Variants in HM13 observed in about 807,000 individuals in gnomAD.
HM13 encodes the protein histocompatibility minor 13, also known as signal peptide peptidase.
A neutral mutation model predicts 50.0 loss-of-function variants in HM13; 18 were observed. The observed-to-expected ratio is 0.36, with a 90% CI of 0.25 to 0.53. The LOEUF (loss-of-function observed/expected upper bound fraction) is 0.53. HM13 is among the 20% of genes least tolerant of loss of function. The pLI is 0.90. For synonymous variants in HM13, 197 were observed against 232.6 expected (o/e 0.85, Z 1.39); for missense variants, 393 against 552.4 (o/e 0.71, Z 2.89).
intron 1 of HM13, among the ~76,000 whole-genome samples, chr20:31,525,306 C>G (rs1437426461): frequency 1.3e-5 from 2 of 152,158 alleles, no homozygotes; most frequent in African/African-American, 4.8e-5. Context: ...TTGCAACCTT[C>G]CACCTGGGAC....
chr20:31,550,117 A>G lies in HM13; in HGVS notation c.720A>G (p.Ile240Met). Reference protein sequence around the residue: ...VTVAKSFEAPIKLVFPQDLLE... With the variant: ...VTVAKSFEAPMKLVFPQDLLE... The stretch of plus-strand genomic sequence containing the variant: ...TGGCCAAGTCCTTCGAGGCACCAAT[A>G]AAATGTAAGTGACCACCCTGCCACA... Residue 240 changes from isoleucine (I) to methionine (M), a missense_variant, in exon 7 of 13, where the codon ATA becomes ATG. Physicochemically the swap from Ile to Met is conservative, Grantham distance 10. Transcript: ENST00000398174. The G allele has an allele frequency of 6.2e-7, 1 of 1,613,490 alleles. No homozygotes were observed. Among genetic ancestry groups the G allele is most frequent in the African/African-American group, 1.3e-5 (1 of 74,980 alleles).
chr20:31,561,452 C>G (rs1984605297), intron 9 of HM13, among the ~76,000 whole-genome samples, 182 bp from the exon 10 acceptor site: 1 of 152,210 alleles, frequency 6.6e-6, no homozygotes, highest in East Asian at 1.9e-4. Flanking sequence ...AGGAAAGCAA[C>G]TTGTCCAGAG....
chr20:31,519,418 A>C (rs1300282304), intron 1 of HM13, among the ~76,000 whole-genome samples: 1 of 152,050 alleles, frequency 6.6e-6, no homozygotes, highest in Non-Finnish European at 1.5e-5. Flanking sequence ...TCTTCCTTGC[A>C]CCTTGCTTTT....
intron 3 of HM13, chr20:31,539,965 A>G (rs1022319730): frequency 6.6e-6 from 1 of 152,180 alleles, no homozygotes; most frequent in Non-Finnish European, 1.5e-5. Context: ...TAGTTCTTCT[A>G]CCTATAAAAT....
chr20:31,539,466 T>C, intron 3 of HM13: 2 of 985,402 alleles, frequency 2.0e-6, no homozygotes, highest in Non-Finnish European at 2.4e-6. Context: ...TTTGTGCACA[T>C]TGAGGGCATG....
At chr20:31,546,142 T>G (rs1182387053) in intron 4 of HM13, among the ~76,000 whole-genome samples, 1 of 145,322 alleles carries the variant, frequency 6.9e-6, no homozygotes, top group Non-Finnish European at 1.5e-5. Flanking sequence ...CTCCACCCCC[T>G]GGGTTCACGC....
chr20:31,561,599 A>T (rs1199900501), intron 9 of HM13, 35 bp from the exon 10 acceptor site: 1 of 1,416,422 alleles, frequency 7.1e-7, no homozygotes, highest in East Asian at 2.3e-5. Flanking sequence ...CCCTATATCT[A>T]ACCCTCCTCC....
At chr20:31,521,627 G>A (rs943113307) in intron 1 of HM13, among the ~76,000 whole-genome samples, 1 of 151,470 alleles carries the variant, frequency 6.6e-6, no homozygotes, top group African/African-American at 2.4e-5. Flanking sequence ...TACTCGGGAG[G>A]CTGAGACATG....
intron 2 of HM13, 21 bp from the exon 3 acceptor site, chr20:31,538,158 C>T: frequency 1.2e-6 from 2 of 1,612,920 alleles, no homozygotes; most frequent in Non-Finnish European, 1.7e-6. Context: ...CTTCCTGTTT[C>T]TCTTTGTATT....
At chr20:31,557,782 A>G (rs1984398512) in intron 8 of HM13, among the ~76,000 whole-genome samples, 1 of 134,722 alleles carries the variant, frequency 7.4e-6, no homozygotes, top group Non-Finnish European at 1.5e-5. Context: ...ATCTAAGCTC[A>G]CTGCAACCTC....
intron 1 of HM13, among the ~76,000 whole-genome samples, chr20:31,526,381 A>C (rs1982494027): frequency 6.6e-6 from 1 of 151,510 alleles, no homozygotes; most frequent in African/African-American, 2.4e-5. Context: ...CTGGTCTCAA[A>C]CTCCTGACCT....
intron 1 of HM13, among the ~76,000 whole-genome samples, chr20:31,524,227 G>A (rs1413129143): frequency 6.6e-6 from 1 of 152,000 alleles, no homozygotes; most frequent in Admixed American, 6.6e-5. Flanking sequence ...GCAACAGAGA[G>A]AGACCCTGTC....
intron 1 of HM13, among the ~76,000 whole-genome samples, chr20:31,523,144 G>A (rs1333632587): frequency 5.3e-5 from 8 of 150,176 alleles, no homozygotes; most frequent in African/African-American, 9.9e-5. Flanking sequence ...TCCACCTCCC[G>A]GGTTCAAGCA....
In HM13 at chr20:31,568,156, C is replaced by G. The variant is rs1209873815; in HGVS notation, c.1113C>G (p.Ser371Arg). Residue 371 changes from serine (S) to arginine (R), a missense_variant, in exon 12 of 13, where the codon AGC (serine) becomes AGG (arginine). Around this residue, in one of 3 missense-constraint regions of HM13, gnomAD observed 105 missense variants for 115.9 expected, o/e 0.91. Coordinates refer to ENST00000398174, the MANE Select transcript of HM13 (RefSeq NM_178581.3). ...CCACAGTCTCGGGCTCCCCAGCCAGCCTGGCCGACTCCATGCAGCAGAAGC... is the reference window on the plus strand; with the variant it reads ...CCACAGTCTCGGGCTCCCCAGCCAGGCTGGCCGACTCCATGCAGCAGAAGC... ...HFPTVSGSPA[S>R]LADSMQQKLA... is the part of the protein sequence containing the mutation. The G allele has an allele frequency of 6.2e-7, 1 of 1,613,118 alleles. No individual in the cohort carries two copies. The highest frequency in any genetic ancestry group is 8.5e-7 in the Non-Finnish European group (1 of 1,179,950).
chr20:31,536,086 G>C (rs966233171), intron 2 of HM13, among the ~76,000 whole-genome samples: 1 of 152,084 alleles, frequency 6.6e-6, no homozygotes, highest in Non-Finnish European at 1.5e-5. Flanking sequence ...CTGGAGGCTG[G>C]GTGCGGTGGG....
chr20:31,518,146 C>T (rs1367614652), intron 1 of HM13, among the ~76,000 whole-genome samples: 1 of 151,450 alleles, frequency 6.6e-6, no homozygotes, highest in Non-Finnish European at 1.5e-5. Context: ...AGCAATTCTC[C>T]TGCCTCAGCC....
chr20:31,556,482 G>A (rs1285213501), intron 8 of HM13, among the ~76,000 whole-genome samples: 1 of 152,174 alleles, frequency 6.6e-6, no homozygotes, highest in Non-Finnish European at 1.5e-5. Context: ...GTTGCATTTT[G>A]TGACACATGG....
chr20:31,540,985 A>G (rs1983421107), intron 3 of HM13: 2 of 151,434 alleles, frequency 1.3e-5, no homozygotes, highest in Admixed American at 6.6e-5. Context: ...ATCTCAAAAA[A>G]AAAAAAAAGA....
intron 1 of HM13, among the ~76,000 whole-genome samples, chr20:31,515,767 C>G (rs1981737544): frequency 2.0e-5 from 3 of 152,156 alleles, no homozygotes; most frequent in Admixed American, 2.0e-4. Context: ...CCCTTTCTAG[C>G]CCGTTGTACC....
Sources: gnomAD v4.1 joint callset for allele counts (sites outside exome capture counted in the v4.1 genomes callset) on GRCh38, gnomAD v4.1.1 for gene constraint, gnomAD v4.1.1 regional missense constraint, MANE v1.5 for transcripts, NCBI Gene and HGNC (gene_info 2026-07-23, HGNC 2026-07-21) for gene names.